DLGAP5: variants seen among roughly 807,000 people sequenced by gnomAD.
The protein encoded by DLGAP5 is DLG associated protein 5.
In DLGAP5, 90 loss-of-function variants were observed where a neutral mutation model predicts 99.6. The ratio of observed to expected loss-of-function variants is 0.90; its 90% confidence interval spans 0.76 to 1.08. The LOEUF (loss-of-function observed/expected upper bound fraction) is 1.08. Ranked by LOEUF, DLGAP5 falls within the 50% of genes least tolerant of loss-of-function variation. The pLI, the probability that DLGAP5 is intolerant of heterozygous loss-of-function variation, is 0.00. For synonymous variants in DLGAP5, 311 were observed against 321.3 expected, an observed-to-expected ratio of 0.97 and a Z score of 0.34; for missense variants, 1,036 against 983.5, an observed-to-expected ratio of 1.05 and a Z score of -0.71.
chr14:55,160,997 T>C (rs1163198362), intron 13 of DLGAP5, among the ~76,000 whole-genome samples: 1 of 151,764 alleles, frequency 6.6e-6, no homozygotes, highest in Admixed American at 6.6e-5. Context: ...ATGTAAACAA[T>C]GATAAGACAC....
At chr14:55,162,038 C>T (rs1299458106) in intron 13 of DLGAP5, among the ~76,000 whole-genome samples, 3 of 151,856 alleles carry the variant, frequency 2.0e-5, no homozygotes, top group Non-Finnish European at 4.4e-5. Flanking sequence ...TAACTACAGG[C>T]ATTTTTCTCA....
At position 55,183,659 on chromosome 14, in the gene DLGAP5, C is replaced by T; in HGVS notation, c.333G>A (p.Glu111=). The T allele has an allele frequency of 1.2e-6, 2 of 1,612,238 alleles. No individual in the cohort carries two copies. Among genetic ancestry groups the T allele is most frequent in the Middle Eastern group, 1.7e-4 (1 of 6,058 alleles). Residue 111 remains glutamate (E), a synonymous_variant, in exon 3 of 19, where the codon GAG becomes GAA. Coordinates refer to ENST00000247191, the MANE Select transcript of DLGAP5 (RefSeq NM_014750.5). ...CTTTAAATATTCCTCGTTTAGCTTT[C>T]TCTCTCTGCTCTTTCAATTTTTGAA... ...KQLQKLKEQR[E]KAKRGIFKVG... is the part of the protein sequence containing the mutation.
intron 3 of DLGAP5, 60 bp from the exon 4 acceptor site, chr14:55,182,492 A>G: frequency 7.2e-7 from 1 of 1,393,802 alleles, no homozygotes; most frequent in Non-Finnish European, 9.9e-7. Flanking sequence ...TTACTTCCAT[A>G]TCTTATTACA....
rs1282846220 is a variant in DLGAP5, at chr14:55,169,436, G to A, written c.1511C>T (p.Thr504Ile). 1.2e-6 allele frequency: 2 copies of A among 1,605,524 alleles called. No individual in the cohort carries two copies. Among genetic ancestry groups the A allele is most frequent in the South Asian group, 1.1e-5 (1 of 89,834 alleles). ...CATATCCCAAAATCCATCCAGATCT[G>A]TACAGGTAGTCTCCTTTATACCTCG... ...YKRGIKETTC[T>I]DLDGFWDMVS... Residue 504 changes from threonine (T) to isoleucine (I), a missense_variant, in exon 12 of 19, where the codon ACA (threonine) becomes ATA (isoleucine). By Grantham distance (89) the Thr-to-Ile change is moderately conservative (BLOSUM62 -1). Coordinates refer to ENST00000247191, the MANE Select transcript of DLGAP5 (RefSeq NM_014750.5).
intron 14 of DLGAP5, among the ~76,000 whole-genome samples, chr14:55,156,269 A>C (rs1404589152): frequency 6.6e-6 from 1 of 152,224 alleles, no homozygotes; most frequent in African/African-American, 2.4e-5. Context: ...CATTCTGCAC[A>C]GCAAAGCAAC....
At chr14:55,169,360 A>AT in intron 12 of DLGAP5, 39 bp downstream of exon 12, 3 of 1,285,342 alleles carry the variant, frequency 2.3e-6, no homozygotes, top group Non-Finnish European at 3.0e-6. Context: ...AAAAAAAAAA[A>AT]GCCCTAAGTT....
rs911446007 is a variant in DLGAP5 at position 55,148,534 on chromosome 14, T to G, written c.2419-61A>C. 4 of 1,612,270 alleles carry G rather than the reference T, an allele frequency of 2.5e-6. No individual in the cohort carries two copies. The East Asian group carries it at 6.7e-5, about 27-fold the overall frequency. ...CATCAAGAGTTTCACCAATTAATTC[T>G]TCAACATTCTATAGTGGATTAATTA... is the stretch of plus-strand genomic sequence containing the variant. On this transcript the variant is annotated intron_variant, in intron 18 of 18. Transcript: ENST00000247191.
intron 12 of DLGAP5, 66 bp from the exon 13 acceptor site, chr14:55,163,141 G>A (rs1456894463): frequency 3.2e-6 from 3 of 928,482 alleles, no homozygotes; most frequent in East Asian, 2.8e-5. Context: ...CGAATGAGCT[G>A]AAGACTAAAA....
chr14:55,179,598 A>T, intron 7 of DLGAP5, 31 bp downstream of exon 7: 1 of 1,562,134 alleles, frequency 6.4e-7, no homozygotes, highest in Non-Finnish European at 8.7e-7. Flanking sequence ...TTTTCAAAGC[A>T]TCTAGAATTA....
intron 15 of DLGAP5, 35 bp downstream of exon 15, chr14:55,154,582 A>G (rs761971472): frequency 6.6e-7 from 1 of 1,523,224 alleles, no homozygotes; most frequent in East Asian, 2.3e-5. Context: ...AGTATCAGCA[A>G]CTGTTAAACT....
Position 55,158,733 on chromosome 14 carries a change from A to C in DLGAP5, c.1662T>G (p.Val554=), listed in dbSNP as rs529935301. 50 of 1,612,692 alleles carry C rather than the reference A, an allele frequency of 3.1e-5. No individual in the cohort carries two copies. In the South Asian group the frequency reaches 5.3e-4, roughly 17 times the overall value. ...TTGGTTTACTTGCTATACCTGAGAC[A>C]ACTTTTTTCTGCAAAGAGAAACTAA... The part of the protein sequence containing the change: ...NMNKNVFRKK[V]VSGIASKPKQ... The change falls in exon 14 of 19, where the codon GTT becomes GTG. Residue 554 remains valine, a synonymous_variant. Coordinates refer to ENST00000247191, the MANE Select transcript of DLGAP5 (RefSeq NM_014750.5).
intron 15 of DLGAP5, among the ~76,000 whole-genome samples, chr14:55,152,960 C>A (rs1477350204): frequency 1.3e-5 from 2 of 152,106 alleles, no homozygotes; most frequent in African/African-American, 4.8e-5. Context: ...AAAGAAAAGT[C>A]AAAAAGAAGG....
intron 10 of DLGAP5, 33 bp downstream of exon 10, chr14:55,175,313 C>T (rs914403645): frequency 6.3e-7 from 1 of 1,588,964 alleles, no homozygotes; most frequent in African/African-American, 1.4e-5. Context: ...GATATTAATA[C>T]AAAATTCTTA....
At position 55,158,759 on chromosome 14, in the gene DLGAP5, C is replaced by T; in HGVS notation, c.1654-18G>A. 1 of 1,578,468 alleles carries T rather than the reference C, an allele frequency of 6.3e-7. No homozygotes were observed. The highest frequency in any genetic ancestry group is 8.7e-7 in the Non-Finnish European group (1 of 1,149,298). On this transcript the variant is annotated intron_variant, in intron 13 of 18. Coordinates refer to ENST00000247191, the MANE Select transcript of DLGAP5 (RefSeq NM_014750.5). ...ACTTTTTTCTGCAAAGAGAAACTAACATAGTAAAGCTGCCCATTACCATCT... is the reference window on the plus strand; with the variant it reads ...ACTTTTTTCTGCAAAGAGAAACTAATATAGTAAAGCTGCCCATTACCATCT...
At chr14:55,152,142 G>A (rs767957529) in intron 16 of DLGAP5, among the ~76,000 whole-genome samples, 2 of 152,164 alleles carry the variant, frequency 1.3e-5, no homozygotes, top group Middle Eastern at 3.2e-3. Flanking sequence ...TTGAAGGCAA[G>A]TTTCTCAGCA....
At chr14:55,179,521 C>T in intron 7 of DLGAP5, 108 bp downstream of exon 7, 2 of 853,044 alleles carry the variant, frequency 2.3e-6, no homozygotes, top group African/African-American at 1.7e-5. Context: ...TTTTAACACA[C>T]ATGTAGGTTA....
chr14:55,151,557 A>T, intron 17 of DLGAP5, 138 bp downstream of exon 17: 1 of 961,168 alleles, frequency 1.0e-6, no homozygotes, highest in Non-Finnish European at 1.5e-6. Context: ...AATTGTTCTA[A>T]TTCAGGGTCT....
intron 12 of DLGAP5, among the ~76,000 whole-genome samples, chr14:55,164,901 G>A (rs1289127839): frequency 5.2e-5 from 7 of 133,546 alleles, no homozygotes; most frequent in African/African-American, 1.2e-4. Context: ...TAGCCTGGGC[G>A]ACAGAGTGAG....
At chr14:55,158,785 T>C in intron 13 of DLGAP5, 44 bp from the exon 14 acceptor site, 2 of 1,428,194 alleles carry the variant, frequency 1.4e-6, no homozygotes, top group Non-Finnish European at 1.9e-6. Context: ...ATTACCATCT[T>C]ACAAGAAAAA....
Sources: allele counts gnomAD v4.1 joint callset (sites outside exome capture counted in the v4.1 genomes callset), GRCh38; gene constraint gnomAD v4.1.1; transcripts MANE v1.5; gene names NCBI Gene and HGNC (gene_info 2026-07-23, HGNC 2026-07-21).